Variants in CCDC178 observed in about 807,000 individuals in gnomAD.
CCDC178 encodes the protein coiled-coil domain containing 178.
CCDC178 carries 126 observed loss-of-function variants against 117.4 expected under a neutral mutation model. The ratio of observed to expected loss-of-function variants is 1.07; its 90% CI spans 0.93 to 1.24. The LOEUF (loss-of-function observed/expected upper bound fraction) is 1.24. CCDC178 is among the 50% of genes most tolerant of loss of function. CCDC178 has a pLI of 0.00. For synonymous variants in CCDC178, 283 were observed against 313.4 expected, an observed-to-expected ratio of 0.90 and a Z score of 1.02; for missense variants, 1,030 against 986.9, an observed-to-expected ratio of 1.04 and a Z score of -0.59.
At chr18:33,030,241 C>T (rs550053412) in intron 21 of CCDC178, among the ~76,000 whole-genome samples, 2 of 152,016 alleles carry the variant, frequency 1.3e-5, no homozygotes, top group African/African-American at 4.8e-5. Context: ...TATGCTAGAA[C>T]ATTTAAAAAT....
At chr18:33,044,067 G>A (rs2056599569) in intron 21 of CCDC178, among the ~76,000 whole-genome samples, 2 of 149,332 alleles carry the variant, frequency 1.3e-5, no homozygotes, top group African/African-American at 2.4e-5. Context: ...GTGTGTGTGT[G>A]TATGTGTGTG....
intron 6 of CCDC178, among the ~76,000 whole-genome samples, chr18:33,362,460 A>G (rs1337132980): frequency 6.6e-6 from 1 of 151,876 alleles, no homozygotes; most frequent in Non-Finnish European, 1.5e-5. Flanking sequence ...GATATGGAAA[A>G]TGAACACGTC....
intron 20 of CCDC178, among the ~76,000 whole-genome samples, chr18:33,115,471 A>G (rs1034490042): frequency 2.7e-4 from 41 of 152,236 alleles, no homozygotes; most frequent in African/African-American, 8.2e-4. Flanking sequence ...TTCTCAAACT[A>G]GGATCACTAT....
chr18:33,058,018 T>C (rs1168179766), intron 21 of CCDC178, among the ~76,000 whole-genome samples: 1 of 152,140 alleles, frequency 6.6e-6, no homozygotes, highest in Non-Finnish European at 1.5e-5. Flanking sequence ...GATGAGAATG[T>C]GGAGAAATTG....
rs542921174 is a variant in CCDC178 at position 33,227,593 on chromosome 18, C to T, written c.1594-738G>A. Among the ~76,000 whole-genome samples, 105 of 148,110 alleles carry T rather than the reference C, an allele frequency of 7.1e-4. 1 individual carries two copies. Among genetic ancestry groups the T allele is most frequent in the African/African-American group, 2.5e-3 (102 of 40,428 alleles). On this transcript the variant is annotated intron_variant, in intron 15 of 22. Coordinates refer to ENST00000383096, the MANE Select transcript of CCDC178 (RefSeq NM_001105528.4). ...ATATATATATATACACACACACACA[C>T]ACACATAGTTTTGCAAGGAGGAACA... is the stretch of plus-strand genomic sequence containing the variant.
intron 5 of CCDC178, among the ~76,000 whole-genome samples, chr18:33,372,301 T>G (rs1387169248): frequency 1.3e-5 from 2 of 152,086 alleles, no homozygotes; most frequent in Non-Finnish European, 2.9e-5. Flanking sequence ...TCTACTCAGT[T>G]TAGGGTGACA....
At chr18:33,155,878 C>T (rs2058387933) in intron 20 of CCDC178, among the ~76,000 whole-genome samples, 2 of 151,506 alleles carry the variant, frequency 1.3e-5, no homozygotes, top group Admixed American at 6.6e-5. Flanking sequence ...GGTTAAATGA[C>T]TGAAAAAGTT....
At chr18:33,372,701 A>C (rs954573864) in intron 5 of CCDC178, among the ~76,000 whole-genome samples, 1 of 152,140 alleles carries the variant, frequency 6.6e-6, no homozygotes, top group Non-Finnish European at 1.5e-5. Context: ...CTTCCATTTG[A>C]GAAAAAATAT....
intron 20 of CCDC178, among the ~76,000 whole-genome samples, chr18:33,190,789 C>T (rs1048885745): frequency 6.6e-6 from 1 of 152,086 alleles, no homozygotes; most frequent in Non-Finnish European, 1.5e-5. Flanking sequence ...CTGTAAATAC[C>T]TGCTCTGAAA....
chr18:33,354,935 A>T (rs1206655491), intron 7 of CCDC178, among the ~76,000 whole-genome samples: 1 of 152,096 alleles, frequency 6.6e-6, no homozygotes, highest in African/African-American at 2.4e-5. Context: ...GTTAATTTTT[A>T]TAATTTCTCT....
intron 20 of CCDC178, among the ~76,000 whole-genome samples, chr18:33,162,640 G>A (rs550282196): frequency 1.7e-4 from 26 of 152,168 alleles, no homozygotes; most frequent in African/African-American, 6.3e-4. Context: ...GTGTCCATGA[G>A]TTATCACCAT....
At chr18:33,424,666 GA>G (rs1205431836) in intron 2 of CCDC178, among the ~76,000 whole-genome samples, 3 of 152,212 alleles carry the variant, frequency 2.0e-5, no homozygotes, top group Non-Finnish European at 4.4e-5. Context: ...GCACGGCCCA[GA>G]GGGAGAAAGA....
At chr18:33,203,297 C>A (rs271539) in intron 20 of CCDC178, among the ~76,000 whole-genome samples, 24,431 of 152,006 alleles carry the variant, frequency 0.16, 2,736 homozygotes, top group African/African-American at 0.32. Context: ...AACTATTTTT[C>A]TTTTTCCAAT....
chr18:33,302,191 C>T (rs1270703977), intron 11 of CCDC178, among the ~76,000 whole-genome samples: 1 of 152,104 alleles, frequency 6.6e-6, no homozygotes, highest in African/African-American at 2.4e-5. Flanking sequence ...CCCACTTTGC[C>T]TTCCACTATG....
Position 33,282,225 on chromosome 18 carries a change from C to T in CCDC178, c.1176+10934G>A, listed in dbSNP as rs147442291. Among the ~76,000 whole-genome samples, 685 of 152,286 alleles carry T rather than the reference C, an allele frequency of 4.5e-3. 4 individuals carry two copies. The highest frequency in any genetic ancestry group is 0.01 in the Middle Eastern group (3 of 294). ...AACCCGGCAGGAAGGGACCCCTTGA[C>T]CACCATGGACACTTGAGGTGGCAAG... On this transcript the variant is annotated intron_variant, in intron 12 of 22. Coordinates refer to ENST00000383096, the MANE Select transcript of CCDC178 (RefSeq NM_001105528.4).
At chr18:33,287,915 T>G (rs2144854043) in intron 12 of CCDC178, among the ~76,000 whole-genome samples, 2 of 152,346 alleles carry the variant, frequency 1.3e-5, no homozygotes, top group Non-Finnish European at 2.9e-5. Context: ...AATTGTTCCC[T>G]TTTTGAAAAT....
intron 4 of CCDC178, among the ~76,000 whole-genome samples, chr18:33,390,762 T>C (rs1292685382): frequency 6.6e-6 from 1 of 151,994 alleles, no homozygotes; most frequent in Non-Finnish European, 1.5e-5. Context: ...TATCAAAATG[T>C]ATTAAATTAT....
chr18:33,253,972 T>G (rs937872540), intron 14 of CCDC178, among the ~76,000 whole-genome samples: 2 of 151,882 alleles, frequency 1.3e-5, no homozygotes, highest in African/African-American at 4.8e-5. Context: ...AATGATTCAA[T>G]AAAGTTTTTA....
intron 21 of CCDC178, among the ~76,000 whole-genome samples, chr18:33,002,802 A>G (rs1345439463): frequency 6.6e-6 from 1 of 152,140 alleles, no homozygotes; most frequent in East Asian, 1.9e-4. Flanking sequence ...GAAAAAAAAG[A>G]GAGAAGATCC....
Sources: gnomAD v4.1 joint callset for allele counts (sites outside exome capture counted in the v4.1 genomes callset) on GRCh38, gnomAD v4.1.1 for gene constraint, MANE v1.5 for transcripts, NCBI Gene and HGNC (gene_info 2026-07-23, HGNC 2026-07-21) for gene names.